The following FGD4 variants were observed in gnomAD, a reference collection of about 807,000 sequenced individuals.
FGD4 encodes FYVE, RhoGEF and PH domain-containing protein 4.
FGD4 carries 42 observed loss-of-function variants against 102.0 expected under a neutral mutation model. The observed-to-expected ratio is 0.41, with a 90% CI of 0.32 to 0.53. The LOEUF (loss-of-function observed/expected upper bound fraction) is 0.53, where lower values mean the gene tolerates loss of function less well. Ranked by LOEUF, FGD4 falls within the 20% of genes least tolerant of loss-of-function variation. The pLI is 0.21. For synonymous variants in FGD4, 380 were observed against 375.7 expected (o/e 1.01, Z -0.13); for missense variants, 902 against 1,078.2 (o/e 0.84, Z 2.29).
At chr12:32,520,166 T>C in intron 1 of FGD4, among the ~76,000 whole-genome samples, 1 of 152,156 alleles carries the variant, frequency 6.6e-6, no homozygotes, top group East Asian at 1.9e-4. Flanking sequence ...GGACGATGAA[T>C]CTCTCTTCAT....
intron 14 of FGD4, 94 bp downstream of exon 14, chr12:32,625,873 A>G (rs1950133639): frequency 6.5e-7 from 1 of 1,535,216 alleles, no homozygotes; most frequent in Non-Finnish European, 9.0e-7. Context: ...GACTTTCAAC[A>G]AATCACTTAA....
chr12:32,630,704 T>C (rs570752577), intron 14 of FGD4, among the ~76,000 whole-genome samples: 2 of 151,936 alleles, frequency 1.3e-5, no homozygotes, highest in South Asian at 2.1e-4. Flanking sequence ...TAATCCCAGA[T>C]ACTCGGGAGG....
intron 3 of FGD4, among the ~76,000 whole-genome samples, chr12:32,577,913 A>G (rs1367487950): frequency 6.6e-6 from 1 of 152,186 alleles, no homozygotes; most frequent in Non-Finnish European, 1.5e-5. Flanking sequence ...GATTTCAGGG[A>G]TAACTCTCTG....
chr12:32,464,518 A>G (rs1943199182), intron 1 of FGD4, among the ~76,000 whole-genome samples: 1 of 152,224 alleles, frequency 6.6e-6, no homozygotes, highest in Non-Finnish European at 1.5e-5. Flanking sequence ...GGGATTAAAG[A>G]AAAAGGACAA....
intron 1 of FGD4, among the ~76,000 whole-genome samples, chr12:32,438,980 A>T (rs1032861895): frequency 6.6e-5 from 10 of 152,194 alleles, no homozygotes; most frequent in Non-Finnish European, 2.9e-5. Context: ...TCATTTTTTG[A>T]TCGAGCTAAT....
At chr12:32,620,512 TTTTC>T (rs1169374242) in intron 11 of FGD4, among the ~76,000 whole-genome samples, 3 of 129,466 alleles carry the variant, frequency 2.3e-5, no homozygotes, top group Admixed American at 8.7e-5. Context: ...TAACCATTTT[TTTTC>T]TTTCTTTTTT....
intron 1 of FGD4, chr12:32,501,991 C>T: frequency 1.0e-6 from 1 of 972,874 alleles, no homozygotes; most frequent in Non-Finnish European, 1.2e-6. Flanking sequence ...CTAGGCAAGC[C>T]CTGCGCATGT....
intron 1 of FGD4, among the ~76,000 whole-genome samples, chr12:32,477,670 T>A (rs1263130296): frequency 6.6e-6 from 1 of 152,228 alleles, no homozygotes; most frequent in Admixed American, 6.5e-5. Flanking sequence ...TCTTATACAC[T>A]ACTAAGTGTA....
At chr12:32,484,811 G>T (rs1943848045) in intron 1 of FGD4, among the ~76,000 whole-genome samples, 1 of 152,130 alleles carries the variant, frequency 6.6e-6, no homozygotes, top group African/African-American at 2.4e-5. Context: ...GGCAGAGGTT[G>T]CAGTGAGCCA....
chr12:32,588,928 CAAATT>C (rs1319491402), intron 4 of FGD4, among the ~76,000 whole-genome samples: 5 of 152,074 alleles, frequency 3.3e-5, no homozygotes, highest in African/African-American at 1.2e-4. Flanking sequence ...GGGTTAAAAA[CAAATT>C]AAAAAGCCAG....
chr12:32,570,648 T>C (rs1945585617), intron 2 of FGD4, among the ~76,000 whole-genome samples: 1 of 152,008 alleles, frequency 6.6e-6, no homozygotes, highest in Non-Finnish European at 1.5e-5. Context: ...GCCATGTTGT[T>C]CAGGCTGGTC....
intron 11 of FGD4, among the ~76,000 whole-genome samples, chr12:32,622,547 A>T (rs1273153569): frequency 6.6e-6 from 1 of 152,232 alleles, no homozygotes; most frequent in African/African-American, 2.4e-5. Context: ...TTATGCTTAT[A>T]TGGTGATATT....
chr12:32,489,286 T>C (rs888248008), intron 1 of FGD4, among the ~76,000 whole-genome samples: 1 of 152,346 alleles, frequency 6.6e-6, no homozygotes, highest in Middle Eastern at 3.4e-3. Context: ...TTGTTTAATC[T>C]TTCCAACTCA....
intron 1 of FGD4, among the ~76,000 whole-genome samples, chr12:32,421,506 A>G (rs546451531): frequency 7.2e-5 from 11 of 152,278 alleles, no homozygotes; most frequent in African/African-American, 2.6e-4. Context: ...GAAAGCCCCC[A>G]GAATGCTTTG....
chr12:32,616,779 TTGTTTTTTA>T (rs368149749), intron 10 of FGD4, among the ~76,000 whole-genome samples: 29 of 152,350 alleles, frequency 1.9e-4, no homozygotes, highest in African/African-American at 6.7e-4. Context: ...TACTTTTTCA[TTGTTTTTTA>T]TGTTAATGTA....
intron 2 of FGD4, among the ~76,000 whole-genome samples, chr12:32,569,233 C>A (rs1370975018): frequency 6.6e-6 from 1 of 152,088 alleles, no homozygotes; most frequent in East Asian, 1.9e-4. Context: ...AATTGTCCAC[C>A]CTGCTTCTCC....
intron 5 of FGD4, chr12:32,600,474 CCTT>C (rs766951133): frequency 3.1e-5 from 40 of 1,281,852 alleles, no homozygotes; most frequent in South Asian, 3.8e-5. Flanking sequence ...GAATAGACCT[CCTT>C]CTGCCTACAT....
At chr12:32,548,454 T>C (rs901046767) in intron 1 of FGD4, among the ~76,000 whole-genome samples, 9 of 152,264 alleles carry the variant, frequency 5.9e-5, no homozygotes, top group Admixed American at 5.2e-4. Context: ...TTATTCTGCA[T>C]TTCCATATTA....
chr12:32,548,756 C>CA (rs1309461682), intron 1 of FGD4, among the ~76,000 whole-genome samples: 2 of 152,226 alleles, frequency 1.3e-5, no homozygotes, highest in East Asian at 3.9e-4. Flanking sequence ...AAAACTCAGG[C>CA]ATCCTGGGTC....
Sources: gnomAD v4.1 joint callset for allele counts (sites outside exome capture counted in the v4.1 genomes callset) on GRCh38, gnomAD v4.1.1 for gene constraint, MANE v1.5 for transcripts, NCBI Gene and HGNC (gene_info 2026-07-23, HGNC 2026-07-21) for gene names.